RANBP2: variants seen among roughly 807,000 people sequenced by gnomAD.
RANBP2 encodes RAN binding protein 2.
Under a neutral mutation model 303.6 loss-of-function variants are expected in RANBP2, and 57 were observed. The ratio of observed to expected loss-of-function variants is 0.19; its 90% confidence interval spans 0.15 to 0.23. The LOEUF (loss-of-function observed/expected upper bound fraction) is 0.23, where lower values mean the gene tolerates loss of function less well. RANBP2 is among the 10% of genes least tolerant of loss of function. The pLI is 1.00. For synonymous variants in RANBP2, 1,167 were observed against 1,301.5 expected, an observed-to-expected ratio of 0.90 and a Z score of 2.23; for missense variants, 3,138 against 3,780.8, an observed-to-expected ratio of 0.83 and a Z score of 4.46.
At chr2:109,737,747 T>C in the RANBP2 span, among the ~76,000 whole-genome samples, 11 of 152,292 alleles carry the variant, frequency 7.2e-5, no homozygotes, top group Non-Finnish European at 7.4e-5. Context: ...TGTTATTTTT[T>C]TGTGTTTTTG....
the RANBP2 span, among the ~76,000 whole-genome samples, chr2:109,238,844 T>TG: frequency 1.3e-5 from 2 of 152,118 alleles, no homozygotes; most frequent in South Asian, 4.2e-4. Context: ...GCAGCCAGTG[T>TG]GGGGGGCAGT....
At chr2:109,717,998 A>C in the RANBP2 span, among the ~76,000 whole-genome samples, 3 of 152,206 alleles carry the variant, frequency 2.0e-5, no homozygotes, top group Non-Finnish European at 2.9e-5. Flanking sequence ...AATTTAACAA[A>C]ATGAGCAAAA....
the RANBP2 span, among the ~76,000 whole-genome samples, chr2:109,027,050 C>T: frequency 2.6e-5 from 4 of 152,242 alleles, no homozygotes; most frequent in Admixed American, 1.3e-4. Flanking sequence ...TTAAAACCAG[C>T]TTGGTGCGTG....
At chr2:109,737,749 GTGTTTTTGGT>G in the RANBP2 span, among the ~76,000 whole-genome samples, 1 of 151,944 alleles carries the variant, frequency 6.6e-6, no homozygotes, top group South Asian at 2.1e-4. Context: ...TTATTTTTTT[GTGTTTTTGGT>G]AATAGCTATC....
At chr2:109,317,057 G>T in the RANBP2 span, among the ~76,000 whole-genome samples, 1 of 152,088 alleles carries the variant, frequency 6.6e-6, no homozygotes, top group Non-Finnish European at 1.5e-5. Flanking sequence ...ACCTCCTGAG[G>T]CTATCTTGGT....
chr2:109,021,945 C>A, the RANBP2 span, among the ~76,000 whole-genome samples: 3 of 152,170 alleles, frequency 2.0e-5, no homozygotes, highest in Admixed American at 2.0e-4. Context: ...ACCCGGGAGC[C>A]AAGCAGGAGT....
the RANBP2 span, among the ~76,000 whole-genome samples, chr2:109,096,920 G>A: frequency 6.6e-6 from 1 of 151,856 alleles, no homozygotes; most frequent in East Asian, 1.9e-4. Flanking sequence ...ACGAGACTCA[G>A]CACAAGAAGA....
chr2:109,182,923 C>T, the RANBP2 span, among the ~76,000 whole-genome samples: 22 of 152,088 alleles, frequency 1.4e-4, no homozygotes, highest in Non-Finnish European at 3.1e-4. Flanking sequence ...ATAACTTAAA[C>T]GTTTCCCATG....
the RANBP2 span, among the ~76,000 whole-genome samples, chr2:108,985,406 G>C: frequency 1.3e-5 from 2 of 152,236 alleles, no homozygotes; most frequent in Non-Finnish European, 2.9e-5. Flanking sequence ...AGTTAAGCTG[G>C]CATGAGCTCG....
chr2:108,888,823 T>A, the RANBP2 span, among the ~76,000 whole-genome samples: 7 of 151,990 alleles, frequency 4.6e-5, no homozygotes, highest in African/African-American at 1.7e-4. Flanking sequence ...TGATCTTTAT[T>A]ATTTCTTTTT....
At chr2:108,837,883 T>G in the RANBP2 span, among the ~76,000 whole-genome samples, 8 of 152,142 alleles carry the variant, frequency 5.3e-5, no homozygotes, top group African/African-American at 1.9e-4. Context: ...AAAATACTAT[T>G]TAGAGATTTC....
the RANBP2 span, among the ~76,000 whole-genome samples, chr2:109,265,732 GT>G: frequency 2.6e-5 from 4 of 152,338 alleles, no homozygotes; most frequent in East Asian, 1.9e-4. Context: ...AAGTTGCAGG[GT>G]TTTTATCAAT....
At chr2:109,732,690 G>T in the RANBP2 span, 1 of 582,396 alleles carries the variant, frequency 1.7e-6, no homozygotes, top group Non-Finnish European at 3.3e-6. Flanking sequence ...GGCTGGTCTT[G>T]AACTCCTGAC....
the RANBP2 span, chr2:109,544,179 C>G: frequency 6.3e-7 from 1 of 1,589,956 alleles, no homozygotes; most frequent in Middle Eastern, 1.7e-4. Context: ...CCATAAATAT[C>G]AGTAACTGTG....
At chr2:109,365,830 A>T in the RANBP2 span, among the ~76,000 whole-genome samples, 1 of 152,222 alleles carries the variant, frequency 6.6e-6, no homozygotes, top group African/African-American at 2.4e-5. Flanking sequence ...CATCGCAGGT[A>T]TCCATCCCTT....
the RANBP2 span, among the ~76,000 whole-genome samples, chr2:109,078,185 A>ATG: frequency 7.3e-5 from 3 of 40,872 alleles, no homozygotes; most frequent in Non-Finnish European, 1.7e-4. Context: ...TATATATAGC[A>ATG]TATATATATA....
the RANBP2 span, among the ~76,000 whole-genome samples, chr2:109,395,992 A>C: frequency 6.6e-6 from 1 of 152,232 alleles, no homozygotes; most frequent in African/African-American, 2.4e-5. Flanking sequence ...CCTCAGCATT[A>C]TTGCTGCCAT....
chr2:108,861,789 G>C, the RANBP2 span, among the ~76,000 whole-genome samples: 1 of 149,198 alleles, frequency 6.7e-6, no homozygotes, highest in Non-Finnish European at 1.5e-5. Context: ...CCTAAACCTC[G>C]GCCTCCCAAA....
the RANBP2 span, among the ~76,000 whole-genome samples, chr2:109,098,996 A>G: frequency 2.0e-5 from 3 of 152,218 alleles, no homozygotes; most frequent in South Asian, 4.1e-4. Context: ...TATTTCTCAC[A>G]AAGGGTTGCA....
Sources: gnomAD v4.1 joint callset for allele counts (sites outside exome capture counted in the v4.1 genomes callset) on GRCh38, gnomAD v4.1.1 for gene constraint, MANE v1.5 for transcripts, NCBI Gene and HGNC (gene_info 2026-07-23, HGNC 2026-07-21) for gene names.